The following ALS2 variants were observed in gnomAD, a reference collection of about 807,000 sequenced individuals.
ALS2 encodes alsin Rho guanine nucleotide exchange factor ALS2, also known as alsin.
In ALS2, 117 loss-of-function variants were observed where a neutral mutation model predicts 203.4. The ratio of observed to expected loss-of-function variants is 0.58; its 90% CI spans 0.50 to 0.67. The LOEUF (loss-of-function observed/expected upper bound fraction) is 0.67, where lower values mean the gene tolerates loss of function less well. ALS2 is among the 30% of genes least tolerant of loss of function. ALS2 has a pLI of 0.00. For missense variants in ALS2, 1,715 were observed against 1,989.4 expected (o/e 0.86, Z 2.62); for synonymous variants, 718 against 725.9 (o/e 0.99, Z 0.17).
At position 201,735,341 on chromosome 2, in the gene ALS2, T is replaced by G. The variant is rs6435099; in HGVS notation, c.2418-1903A>C. Among the ~76,000 whole-genome samples the G allele has an allele frequency of 6.9e-3, 1,057 of 152,308 alleles. 18 individuals carry two copies. Among genetic ancestry groups the G allele is most frequent in the African/African-American group, 0.025 (1,022 of 41,548 alleles). On this transcript the variant is annotated intron_variant, in intron 12 of 33. Coordinates refer to ENST00000264276, the MANE Select transcript of ALS2 (RefSeq NM_020919.4). ...CCCCTAAATTGTACACTTATTAGTG[T>G]ACAATTAAGATTAAAATGATAAATA...
At chr2:201,753,482 A>C (rs1198174524) in intron 6 of ALS2, among the ~76,000 whole-genome samples, 1 of 152,238 alleles carries the variant, frequency 6.6e-6, no homozygotes, top group Non-Finnish European at 1.5e-5. Flanking sequence ...TAAGAATCAT[A>C]AAACTACAAA....
At chr2:201,712,055 A>G (rs116712057) in intron 25 of ALS2, among the ~76,000 whole-genome samples, 2,287 of 152,258 alleles carry the variant, frequency 0.015, 29 homozygotes, top group Non-Finnish European at 0.024. Context: ...GAAATACTAA[A>G]ATCAATTCCT....
chr2:201,704,086 G>T, intron 33 of ALS2, 36 bp downstream of exon 33: 1 of 1,537,766 alleles, frequency 6.5e-7, no homozygotes, highest in Non-Finnish European at 9.0e-7. Flanking sequence ...AGACAGATAT[G>T]AAGATAAGAA....
intron 4 of ALS2, 183 bp downstream of exon 4, chr2:201,760,698 A>T: frequency 7.1e-7 from 1 of 1,417,814 alleles, no homozygotes; most frequent in African/African-American, 1.4e-5. Flanking sequence ...AACAAACATA[A>T]AGAGTGATTT....
At chr2:201,713,346 T>C (rs1690167048) in intron 25 of ALS2, among the ~76,000 whole-genome samples, 1 of 152,062 alleles carries the variant, frequency 6.6e-6, no homozygotes, top group Admixed American at 6.6e-5. Context: ...GGTCTCAAAC[T>C]CCTGACCTCA....
intron 1 of ALS2, among the ~76,000 whole-genome samples, chr2:201,776,622 G>A (rs1182922495): frequency 3.3e-5 from 5 of 151,920 alleles, no homozygotes; most frequent in East Asian, 1.9e-4. Context: ...TACTTATTCC[G>A]TTAATATTTG....
chr2:201,721,601 A>G (rs1690797957), intron 23 of ALS2, among the ~76,000 whole-genome samples: 1 of 152,260 alleles, frequency 6.6e-6, no homozygotes, highest in African/African-American at 2.4e-5. Flanking sequence ...CACATAACTC[A>G]GCCCATATAC....
At chr2:201,713,413 T>G (rs1305000720) in intron 25 of ALS2, among the ~76,000 whole-genome samples, 1 of 152,190 alleles carries the variant, frequency 6.6e-6, no homozygotes, top group East Asian at 1.9e-4. Context: ...CATGCCACCA[T>G]GCCCAGCCCA....
At position 201,724,440 on chromosome 2, in the gene ALS2, A is replaced by G. The variant is rs1691019282; in HGVS notation, c.3367T>C (p.Phe1123Leu). The stretch of plus-strand genomic sequence containing the variant: ...ATATTATCTTGAAAACAGCCCTCAA[A>G]TACTTCACCAGAAGCATAGCTGTGG... ...GVYSYASGEV[F>L]EGCFQDNMRH... Residue 1123 changes from phenylalanine to leucine, a missense_variant, in exon 21 of 34, where the codon TTT (phenylalanine) becomes CTT (leucine). By Grantham distance (22) the Phe-to-Leu change is conservative. Coordinates refer to ENST00000264276, the MANE Select transcript of ALS2 (RefSeq NM_020919.4). 6.2e-7 allele frequency: 1 copy of G among 1,613,974 alleles called. No homozygotes were observed. The highest frequency in any genetic ancestry group is 1.7e-5 in the Admixed American group (1 of 60,012).
At chr2:201,738,097 C>T (rs1054605204) in intron 12 of ALS2, among the ~76,000 whole-genome samples, 4 of 151,988 alleles carry the variant, frequency 2.6e-5, no homozygotes, top group African/African-American at 9.7e-5. Context: ...CCCAGGAGTT[C>T]CTAACCAGCC....
chr2:201,726,591 T>G (rs745386955), intron 18 of ALS2, 42 bp from the exon 19 acceptor site: 1 of 1,609,500 alleles, frequency 6.2e-7, no homozygotes, highest in Admixed American at 1.7e-5. Flanking sequence ...CAACTAATAT[T>G]TCAGATAATT....
intron 4 of ALS2, chr2:201,759,830 T>C (rs374001848): frequency 2.0e-6 from 2 of 985,246 alleles, no homozygotes; most frequent in East Asian, 1.1e-4. Flanking sequence ...ACAGATCTTT[T>C]ATGAGTATGA....
intron 3 of ALS2, among the ~76,000 whole-genome samples, chr2:201,765,170 A>G (rs1208285921): frequency 6.6e-6 from 1 of 152,036 alleles, no homozygotes; most frequent in Non-Finnish European, 1.5e-5. Flanking sequence ...GCTAATTTTT[A>G]AAATATTTCT....
chr2:201,744,530 T>A, intron 9 of ALS2, 101 bp from the exon 10 acceptor site: 1 of 1,238,034 alleles, frequency 8.1e-7, no homozygotes, highest in Non-Finnish European at 1.1e-6. Context: ...AGCTAACTGT[T>A]AAATATTCAG....
intron 17 of ALS2, 37 bp downstream of exon 17, chr2:201,727,175 G>C (rs1048958480): frequency 6.6e-7 from 1 of 1,523,572 alleles, no homozygotes; most frequent in East Asian, 2.3e-5. Context: ...GAAAGAGCCA[G>C]GGCGAAGATT....
chr2:201,767,212 G>A lies in ALS2; in HGVS notation c.175+17C>T, dbSNP rs970277787. On this transcript the variant is annotated intron_variant, in intron 3 of 33. Transcript: ENST00000264276. ...TAGCATTGCAGTTCGTATTTGTTAC[G>A]CCATTCTTTTCATTACCTTCAGTCA... 2 of 1,613,642 alleles carry A rather than the reference G, an allele frequency of 1.2e-6. No homozygotes were observed. The highest frequency in any genetic ancestry group is 1.1e-5 in the South Asian group (1 of 91,058).
In ALS2 at chr2:201,701,033, T is replaced by G. The variant is rs1035220668; in HGVS notation, c.*818A>C. The G allele has an allele frequency of 2.0e-5, 3 of 152,566 alleles. No individual in the cohort carries two copies. The highest frequency in any genetic ancestry group is 4.4e-5 in the Non-Finnish European group (3 of 68,034). The allele number at this position is 152,566 out of a possible 1,614,324, so 9.5% of individuals were successfully genotyped here. On this transcript the variant is annotated 3_prime_UTR_variant, in exon 34 of 34. Coordinates refer to ENST00000264276, the MANE Select transcript of ALS2 (RefSeq NM_020919.4). ...CGAAAACACAGCCTGCATGCAAAAC[T>G]TCCTCAGGCTGCCATTCACAGGCCT...
Position 201,753,159 on chromosome 2 carries a change from G to A in ALS2, c.1724C>T (p.Thr575Ile), listed in dbSNP as rs758128571. The change falls in exon 7 of 34, where the codon ACT (threonine) becomes ATT (isoleucine). Residue 575 changes from threonine to isoleucine, a missense_variant. Physicochemically the swap from Thr to Ile is moderately conservative, Grantham distance 89. Transcript: ENST00000264276. ...EAGGYHSLAL[T>I]AKSQVYSWGS... The stretch of plus-strand genomic sequence containing the variant: ...TTTGCCTCCTACCTGGGATTTCGCA[G>A]TAAGTGCAAGAGAATGGTAACCACC... The A allele has an allele frequency of 6.2e-7, 1 of 1,614,040 alleles. No homozygotes were observed. The highest frequency in any genetic ancestry group is 8.5e-7 in the Non-Finnish European group (1 of 1,179,914).
chr2:201,738,590 C>G (rs1263842559), intron 12 of ALS2, 80 bp downstream of exon 12: 1 of 1,369,916 alleles, frequency 7.3e-7, no homozygotes, highest in Non-Finnish European at 1.0e-6. Context: ...AAAGCTTTCC[C>G]TGAGCACTCG....
Sources: gnomAD v4.1 joint callset for allele counts (sites outside exome capture counted in the v4.1 genomes callset) on GRCh38, gnomAD v4.1.1 for gene constraint, MANE v1.5 for transcripts, NCBI Gene and HGNC (gene_info 2026-07-23, HGNC 2026-07-21) for gene names.